The following CEP43 variants were observed in gnomAD, a reference collection of about 807,000 sequenced individuals.
CEP43 encodes FGFR1 oncogene partner.
A neutral mutation model predicts 52.6 loss-of-function variants in CEP43; 36 were observed. The observed-to-expected ratio is 0.68, with a 90% CI of 0.52 to 0.90. The LOEUF (loss-of-function observed/expected upper bound fraction) is 0.90. Among genes scored for constraint, CEP43 ranks in the 40% least tolerant of loss-of-function variants. The pLI is 0.00. For missense variants in CEP43, 506 were observed against 472.8 expected, an observed-to-expected ratio of 1.07 and a Z score of -0.65; for synonymous variants, 192 against 172.4, an observed-to-expected ratio of 1.11 and a Z score of -0.89.
chr6:167,036,397 T>C (rs1780585475), intron 12 of CEP43: 2 of 985,276 alleles, frequency 2.0e-6, no homozygotes, highest in Non-Finnish European at 2.4e-6. Context: ...GAACCAGAAA[T>C]GACAGAGGAT....
At chr6:167,026,431 G>A (rs780661541) in intron 9 of CEP43, 116 bp from the exon 10 acceptor site, 100 of 694,486 alleles carry the variant, frequency 1.4e-4, no homozygotes, top group Non-Finnish European at 2.5e-4. Context: ...TTAGTTTTAG[G>A]TTATTATGCT....
intron 7 of CEP43, 101 bp downstream of exon 7, chr6:167,013,668 G>A (rs1278971096): frequency 2.2e-6 from 2 of 921,396 alleles, no homozygotes; most frequent in Non-Finnish European, 3.4e-6. Context: ...TGGGTTCTCA[G>A]TTTTCTTATG....
Position 167,040,066 on chromosome 6 carries a change from T to G in CEP43, c.*88T>G, listed in dbSNP as rs769174233. 2.2e-5 allele frequency: 35 copies of G among 1,611,002 alleles called. No individual in the cohort carries two copies. Among genetic ancestry groups the G allele is most frequent in the Non-Finnish European group, 2.7e-5 (32 of 1,178,170 alleles). ...TTTCCAGACAATCACTCAGCTGGAA[T>G]GTCTGCTCTCTATTGGTGCCTTGCA... On this transcript the variant is annotated 3_prime_UTR_variant, in exon 13 of 13. Transcript: ENST00000366847.
At chr6:167,028,560 T>G (rs1416379327) in intron 10 of CEP43, 1 of 929,784 alleles carries the variant, frequency 1.1e-6, no homozygotes, top group Non-Finnish European at 1.3e-6. Flanking sequence ...CTCTAGGTAT[T>G]TTGAGTAATA....
chr6:167,036,936 C>T (rs1780596523), intron 12 of CEP43: 1 of 184,096 alleles, frequency 5.4e-6, no homozygotes, highest in Admixed American at 6.5e-5. Context: ...TTCTGAGTAG[C>T]TAGGACCACA....
At position 167,040,203 on chromosome 6, in the gene CEP43, T is replaced by C. The variant is rs748503459; in HGVS notation, c.*225T>C. 71 of 1,527,832 alleles carry C rather than the reference T, an allele frequency of 4.6e-5. No individual in the cohort carries two copies. The African/African-American group carries it at 7.2e-4, about 15-fold the overall frequency. 94.6% of individuals were successfully genotyped at this position (1,527,832 alleles called of 1,614,324 possible). On this transcript the variant is annotated 3_prime_UTR_variant, in exon 13 of 13. Coordinates refer to ENST00000366847, the MANE Select transcript of CEP43 (RefSeq NM_007045.4). ...TTAATATTCTTAATTTAACTGTACA[T>C]TTCTTTATGGAAATTGATTATCTAC...
At chr6:167,031,388 C>G (rs1006005036) in intron 10 of CEP43, among the ~76,000 whole-genome samples, 3 of 152,216 alleles carry the variant, frequency 2.0e-5, no homozygotes, top group African/African-American at 7.2e-5. Context: ...TTGGTTTGTT[C>G]CACTGTTCCT....
At chr6:167,022,262 A>G in intron 7 of CEP43, 147 bp from the exon 8 acceptor site, 1 of 381,522 alleles carries the variant, frequency 2.6e-6, no homozygotes, top group Non-Finnish European at 4.7e-6. Context: ...CTGCCCCAAC[A>G]CACACACACA....
At chr6:167,004,109 A>G in intron 4 of CEP43, 155 bp from the exon 5 acceptor site, 1 of 797,546 alleles carries the variant, frequency 1.3e-6, no homozygotes, top group Non-Finnish European at 1.9e-6. Flanking sequence ...CTGTAAAAGA[A>G]ATAGGCATAA....
chr6:167,029,253 G>C (rs1031249583), intron 10 of CEP43, among the ~76,000 whole-genome samples: 1 of 152,232 alleles, frequency 6.6e-6, no homozygotes, highest in Non-Finnish European at 1.5e-5. Flanking sequence ...GGTATGGGAT[G>C]GGGAGGAGAG....
rs111829303 is a variant in CEP43 at position 167,043,078 on chromosome 6, G to A, written c.*3100G>A. On this transcript the variant is annotated 3_prime_UTR_variant, in exon 13 of 13. Coordinates refer to ENST00000366847, the MANE Select transcript of CEP43 (RefSeq NM_007045.4). ...CCTAGGTTCAAGTCTGCAGGAAGGG[G>A]ATCTGGTTCAGGAGAAGGCCGTCCT... is the stretch of plus-strand genomic sequence containing the variant. 0.01 allele frequency: 1,594 copies of A among 152,526 alleles called. 16 individuals are homozygous for A. The highest frequency in any genetic ancestry group is 0.018 in the Non-Finnish European group (1,236 of 68,298). 9.4% of individuals were successfully genotyped at this position (152,526 alleles called of 1,614,324 possible).
In CEP43 at chr6:167,003,739, T is replaced by C; in HGVS notation, c.228T>C (p.Ser76=). 1 of 1,610,402 alleles carries C rather than the reference T, an allele frequency of 6.2e-7. No homozygotes were observed. Among genetic ancestry groups the C allele is most frequent in the Non-Finnish European group, 8.5e-7 (1 of 1,178,026 alleles). The change falls in exon 4 of 13, where the codon AGT becomes AGC. Residue 76 remains serine (S), a synonymous_variant. Coordinates refer to ENST00000366847, the MANE Select transcript of CEP43 (RefSeq NM_007045.4). ...LNTKDGRLVA[S]LVAEFLQFFN... The stretch of plus-strand genomic sequence containing the variant: ...TCTTTATAGGTCGTTTAGTGGCTAG[T>C]CTTGTTGCAGAATTTCTTCAGTTTT...
chr6:167,011,133 A>G (rs2128659964), intron 6 of CEP43, among the ~76,000 whole-genome samples: 1 of 152,358 alleles, frequency 6.6e-6, no homozygotes, highest in African/African-American at 2.4e-5. Context: ...ACAGAATCAT[A>G]GAATATTTGG....
chr6:167,037,704 CAAAT>C (rs1271848285), intron 12 of CEP43, among the ~76,000 whole-genome samples: 1 of 152,178 alleles, frequency 6.6e-6, no homozygotes, highest in Non-Finnish European at 1.5e-5. Flanking sequence ...GATGAACAGA[CAAAT>C]AAAAGCATCT....
chr6:166,999,857 C>T, intron 1 of CEP43: 1 of 579,532 alleles, frequency 1.7e-6, no homozygotes, highest in Non-Finnish European at 3.0e-6. Context: ...CGGGCATGAT[C>T]CGCGGCGGGA....
chr6:167,027,740 C>A, intron 10 of CEP43: 1 of 394,122 alleles, frequency 2.5e-6, no homozygotes, highest in South Asian at 1.0e-4. Flanking sequence ...ATAACATCTG[C>A]CTTGTTTTAA....
intron 5 of CEP43, among the ~76,000 whole-genome samples, chr6:167,010,054 A>G (rs3798309): frequency 0.02 from 3,011 of 152,314 alleles, 48 homozygotes; most frequent in East Asian, 0.091. Flanking sequence ...TGAAGTTATG[A>G]AGAACAGCAC....
chr6:167,040,577 T>G lies in CEP43; in HGVS notation c.*599T>G. On this transcript the variant is annotated 3_prime_UTR_variant, in exon 13 of 13. Coordinates refer to ENST00000366847, the MANE Select transcript of CEP43 (RefSeq NM_007045.4). ...TATATTAAAGTACTCTTGTGTGTGC[T>G]ATTTAGTTTTGCTTGTTTTAAAGAA... The G allele has an allele frequency of 9.5e-7, 1 of 1,053,778 alleles. No individual in the cohort carries two copies. Among genetic ancestry groups the G allele is most frequent in the Non-Finnish European group, 1.1e-6 (1 of 869,574 alleles). The allele number at this position is 1,053,778 out of a possible 1,614,324, so 65.3% of individuals were successfully genotyped here.
At chr6:167,017,541 T>C (rs546240520) in intron 7 of CEP43, among the ~76,000 whole-genome samples, 24 of 151,852 alleles carry the variant, frequency 1.6e-4, no homozygotes, top group Non-Finnish European at 2.8e-4. Context: ...AAAACAATAG[T>C]ATTTCTTTGA....
Sources: allele counts gnomAD v4.1 joint callset (sites outside exome capture counted in the v4.1 genomes callset), GRCh38; gene constraint gnomAD v4.1.1; transcripts MANE v1.5; gene names NCBI Gene and HGNC (gene_info 2026-07-23, HGNC 2026-07-21).